RHOU: variants seen among roughly 807,000 people sequenced by gnomAD.
RHOU encodes the protein ras homolog family member U.
In RHOU, 8 loss-of-function variants were observed where a neutral mutation model predicts 12.6. The observed-to-expected ratio is 0.64, with a 90% CI of 0.37 to 1.15. The LOEUF (loss-of-function observed/expected upper bound fraction) is 1.15, where lower values mean the gene tolerates loss of function less well. RHOU is among the 50% of genes most tolerant of loss of function. The pLI, the probability that RHOU is intolerant of heterozygous loss-of-function variation, is 0.01. For missense variants in RHOU, 258 were observed against 347.0 expected, an observed-to-expected ratio of 0.74 and a Z score of 2.04; for synonymous variants, 161 against 147.4, an observed-to-expected ratio of 1.09 and a Z score of -0.67.
At chr1:228,648,700 C>A in the RHOU span, among the ~76,000 whole-genome samples, 1 of 152,066 alleles carries the variant, frequency 6.6e-6, no homozygotes, top group African/African-American at 2.4e-5. Context: ...ATTTCACATG[C>A]TTTTACTTTT....
the RHOU span, among the ~76,000 whole-genome samples, chr1:228,716,055 G>A: frequency 4.6e-5 from 7 of 151,844 alleles, no homozygotes; most frequent in Admixed American, 4.6e-4. Context: ...TGGGACTACA[G>A]GTGTGCACCA....
chr1:228,657,279 CAAAA>C, the RHOU span, among the ~76,000 whole-genome samples: 6 of 28,030 alleles, frequency 2.1e-4, no homozygotes, highest in Admixed American at 6.2e-4. Flanking sequence ...AACTCCATCT[CAAAA>C]AAAAAAAAAA....
At chr1:228,668,103 T>C in the RHOU span, among the ~76,000 whole-genome samples, 1 of 152,174 alleles carries the variant, frequency 6.6e-6, no homozygotes, top group African/African-American at 2.4e-5. Context: ...TAATGGAAGC[T>C]CCATAAGACC....
upstream of RHOU, among the ~76,000 whole-genome samples, chr1:228,733,312 C>T (rs1662529256): frequency 6.6e-6 from 1 of 152,244 alleles, no homozygotes; most frequent in South Asian, 2.1e-4. Context: ...GTGTTTTCTT[C>T]TGTTTGTTTC....
the RHOU span, among the ~76,000 whole-genome samples, chr1:228,685,787 T>A: frequency 1.3e-5 from 2 of 152,234 alleles, no homozygotes; most frequent in Non-Finnish European, 2.9e-5. Flanking sequence ...TTGTTCTCCT[T>A]TAGTGAAACC....
chr1:228,673,661 C>T, the RHOU span, among the ~76,000 whole-genome samples: 62 of 152,286 alleles, frequency 4.1e-4, no homozygotes, highest in African/African-American at 1.4e-3. Flanking sequence ...TAAGACATGC[C>T]TCCTTCCTTT....
the RHOU span, among the ~76,000 whole-genome samples, chr1:228,658,714 G>A: frequency 5.3e-5 from 8 of 152,132 alleles, no homozygotes; most frequent in Non-Finnish European, 1.2e-4. Context: ...GCATCCACAG[G>A]GGATTGGTTC....
chr1:228,652,732 C>CA, the RHOU span, among the ~76,000 whole-genome samples: 1 of 152,072 alleles, frequency 6.6e-6, no homozygotes, highest in Non-Finnish European at 1.5e-5. Context: ...TTTAGCAAAA[C>CA]AAAAAATTAA....
At chr1:228,664,179 G>A in the RHOU span, among the ~76,000 whole-genome samples, 1 of 150,678 alleles carries the variant, frequency 6.6e-6, no homozygotes, top group Non-Finnish European at 1.5e-5. Context: ...CACCAGGCTC[G>A]GCTAATTTTT....
chr1:228,649,814 A>G, the RHOU span, among the ~76,000 whole-genome samples: 3 of 152,252 alleles, frequency 2.0e-5, no homozygotes, highest in Non-Finnish European at 4.4e-5. Context: ...ACATTGTCAA[A>G]TAAGTTACAC....
At chr1:228,701,456 T>A in the RHOU span, among the ~76,000 whole-genome samples, 2 of 152,158 alleles carry the variant, frequency 1.3e-5, no homozygotes, top group African/African-American at 4.8e-5. Context: ...TTGAGATGTC[T>A]CTAAAAGTGA....
chr1:228,660,180 A>G, the RHOU span, among the ~76,000 whole-genome samples: 1 of 151,858 alleles, frequency 6.6e-6, no homozygotes, highest in African/African-American at 2.4e-5. Flanking sequence ...GGATTGTAAG[A>G]GAGTGCTAAG....
At chr1:228,725,541 T>TGTGAGAGTG in the RHOU span, among the ~76,000 whole-genome samples, 3 of 152,202 alleles carry the variant, frequency 2.0e-5, no homozygotes, top group Non-Finnish European at 4.4e-5. Context: ...ATCCAAAGGC[T>TGTGAGAGTG]GTGAGAGTGC....
chr1:228,654,682 G>A, the RHOU span, among the ~76,000 whole-genome samples: 7 of 152,108 alleles, frequency 4.6e-5, no homozygotes, highest in Admixed American at 4.6e-4. Flanking sequence ...AGCTACTGTG[G>A]GTAACTCGAC....
chr1:228,656,162 C>CT, the RHOU span, among the ~76,000 whole-genome samples: 60 of 151,560 alleles, frequency 4.0e-4, 1 homozygote, highest in Admixed American at 1.1e-3. Flanking sequence ...AAATAAATAT[C>CT]TTTTTTTTTG....
At chr1:228,733,533 G>A (rs1351248142), upstream of RHOU, among the ~76,000 whole-genome samples, 5 of 152,148 alleles carry the variant, frequency 3.3e-5, no homozygotes, top group African/African-American at 4.8e-5. Flanking sequence ...TCTCGAACTC[G>A]TGGCCTCAAC....
chr1:228,710,018 A>G, the RHOU span, among the ~76,000 whole-genome samples: 1 of 152,238 alleles, frequency 6.6e-6, no homozygotes, highest in Non-Finnish European at 1.5e-5. Context: ...ACCATAAGAG[A>G]ATACTACAAA....
At chr1:228,646,990 A>T in the RHOU span, among the ~76,000 whole-genome samples, 1 of 151,418 alleles carries the variant, frequency 6.6e-6, no homozygotes, top group Admixed American at 6.6e-5. Flanking sequence ...TACAGAGGGA[A>T]GGCTAGAGAA....
At chr1:228,658,420 C>T in the RHOU span, among the ~76,000 whole-genome samples, 1 of 152,160 alleles carries the variant, frequency 6.6e-6, no homozygotes, top group African/African-American at 2.4e-5. Flanking sequence ...ACTCCTGTCT[C>T]CTCCACGTGG....
Sources: gnomAD v4.1 joint callset for allele counts (sites outside exome capture counted in the v4.1 genomes callset) on GRCh38, gnomAD v4.1.1 for gene constraint, MANE v1.5 for transcripts, NCBI Gene and HGNC (gene_info 2026-07-23, HGNC 2026-07-21) for gene names.